Variants in MICAL3 observed in about 807,000 individuals in gnomAD.
MICAL3 encodes microtubule associated monooxygenase, calponin and LIM domain containing 3.
Under a neutral mutation model 207.4 loss-of-function variants are expected in MICAL3, and 62 were observed. The observed-to-expected ratio is 0.30, with a 90% CI of 0.24 to 0.37. The LOEUF (loss-of-function observed/expected upper bound fraction) is 0.37, where lower values mean the gene tolerates loss of function less well. MICAL3 is among the 10% of genes least tolerant of loss of function. MICAL3 has a pLI of 1.00. For synonymous variants in MICAL3, 1,077 were observed against 1,069.3 expected (o/e 1.01, Z -0.14); for missense variants, 2,368 against 2,635.6 (o/e 0.90, Z 2.22).
intron 1 of MICAL3, among the ~76,000 whole-genome samples, chr22:17,963,956 G>A (rs1278258166): frequency 6.6e-6 from 1 of 152,150 alleles, no homozygotes; most frequent in Admixed American, 6.5e-5. Flanking sequence ...AGTACAATCT[G>A]AGACCCTCGC....
chr22:17,871,875 G>A lies in MICAL3; in HGVS notation c.2390C>T (p.Thr797Ile), dbSNP rs765076191. Residue 797 changes from threonine (T) to isoleucine (I), a missense_variant, in exon 17 of 32, where the codon ACC (threonine) becomes ATC (isoleucine). Physicochemically the swap from Thr to Ile is moderately conservative, Grantham distance 89. Coordinates refer to ENST00000441493, the MANE Select transcript of MICAL3 (RefSeq NM_015241.3). ...GTAGGCGTAGGCCGAGAGGCGCAGG[G>A]TGGTGGCGCAGTACTCGCACTTGAA... ...SCFKCEYCAT[T>I]LRLSAYAYDI... 4 of 1,611,254 alleles carry A rather than the reference G, an allele frequency of 2.5e-6. No individual in the cohort carries two copies. Among genetic ancestry groups the A allele is most frequent in the Non-Finnish European group, 3.4e-6 (4 of 1,178,910 alleles).
chr22:17,948,579 A>C (rs1934183431), intron 1 of MICAL3, among the ~76,000 whole-genome samples: 1 of 152,206 alleles, frequency 6.6e-6, no homozygotes, highest in Admixed American at 6.5e-5. Flanking sequence ...ATACAGGGGA[A>C]GACAGAATAT....
At chr22:17,822,194 T>C (rs760845517) in intron 23 of MICAL3, 24 bp from the exon 24 acceptor site, 3 of 1,610,420 alleles carry the variant, frequency 1.9e-6, no homozygotes, top group Non-Finnish European at 2.5e-6. Flanking sequence ...GGGGCAGAAG[T>C]GGGTGCACAC....
chr22:17,819,809 G>C (rs1921348627), intron 25 of MICAL3, among the ~76,000 whole-genome samples: 1 of 151,938 alleles, frequency 6.6e-6, no homozygotes, highest in African/African-American at 2.4e-5. Flanking sequence ...CAGGTGTGGT[G>C]GTGGGTGCCT....
At chr22:17,939,675 A>C (rs1480486598) in intron 1 of MICAL3, among the ~76,000 whole-genome samples, 2 of 152,190 alleles carry the variant, frequency 1.3e-5, no homozygotes, top group Non-Finnish European at 2.9e-5. Flanking sequence ...GAGCTAGACA[A>C]ACACTTTTTT....
intron 1 of MICAL3, among the ~76,000 whole-genome samples, chr22:18,022,821 A>G (rs574425705): frequency 6.6e-6 from 1 of 152,324 alleles, no homozygotes; most frequent in South Asian, 2.1e-4. Context: ...ATAGGCAGCC[A>G]TGAAGTCCAC....
chr22:17,958,639 A>G (rs1239213074), intron 1 of MICAL3, among the ~76,000 whole-genome samples: 1 of 152,164 alleles, frequency 6.6e-6, no homozygotes, highest in Non-Finnish European at 1.5e-5. Context: ...ACTGACCACA[A>G]GAAGTGGGCT....
At chr22:17,901,820 T>C (rs1931344406) in intron 5 of MICAL3, 58 bp downstream of exon 5, 1 of 1,342,382 alleles carries the variant, frequency 7.4e-7, no homozygotes. Context: ...GCCCCAGAGG[T>C]AGGATAGCAT....
intron 1 of MICAL3, among the ~76,000 whole-genome samples, chr22:17,937,480 A>G (rs1264326696): frequency 1.3e-5 from 2 of 152,080 alleles, no homozygotes; most frequent in African/African-American, 4.8e-5. Flanking sequence ...CCTGACCAAC[A>G]TGGAGAAACG....
intron 20 of MICAL3, among the ~76,000 whole-genome samples, chr22:17,833,636 C>T (rs1923050176): frequency 6.6e-6 from 1 of 152,224 alleles, no homozygotes; most frequent in African/African-American, 2.4e-5. Context: ...GGTGCCCTGC[C>T]TATGGGGCTG....
chr22:17,892,148 G>A (rs1333118339), intron 11 of MICAL3, among the ~76,000 whole-genome samples: 1 of 152,202 alleles, frequency 6.6e-6, no homozygotes, highest in Non-Finnish European at 1.5e-5. Context: ...CTTGCCAAGA[G>A]AAGAAGCCCT....
chr22:17,930,335 T>A (rs960331336), intron 1 of MICAL3, among the ~76,000 whole-genome samples: 1 of 152,250 alleles, frequency 6.6e-6, no homozygotes, highest in Non-Finnish European at 1.5e-5. Flanking sequence ...ATGTCTTATG[T>A]TAGCCAAAAG....
chr22:17,858,509 C>T, intron 19 of MICAL3: 1 of 984,148 alleles, frequency 1.0e-6, no homozygotes, highest in Non-Finnish European at 1.2e-6. Context: ...TTCAGAGCTC[C>T]ACATGGGTGT....
At chr22:17,877,324 G>GGGAGGTTAT (rs1569110220) in intron 16 of MICAL3, among the ~76,000 whole-genome samples, 1 of 21,330 alleles carries the variant, frequency 4.7e-5, no homozygotes, top group Non-Finnish European at 8.9e-5. Flanking sequence ...AGGGAGGTTA[G>GGGAGGTTAT]GGAGGTTATG....
Position 17,879,281 on chromosome 22 carries a change from C to T in MICAL3, c.2241+6597G>A, listed in dbSNP as rs1929194150. On this transcript the variant is annotated intron_variant, in intron 16 of 31. Transcript: ENST00000441493. ...CCCCATATCCCTTCCCGCTGCCCCACCACCACAGCGTGCCCCGTGTGCTTG... is the reference window on the plus strand; with the variant it reads ...CCCCATATCCCTTCCCGCTGCCCCATCACCACAGCGTGCCCCGTGTGCTTG... The T allele has an allele frequency of 3.5e-6, 5 of 1,427,348 alleles. No homozygotes were observed. In the South Asian group the frequency reaches 6.7e-5, roughly 19 times the overall value. 88.4% of individuals were successfully genotyped at this position (1,427,348 alleles called of 1,614,324 possible).
chr22:17,823,361 TGGA>T (rs1271175963), intron 22 of MICAL3, among the ~76,000 whole-genome samples: 1 of 152,154 alleles, frequency 6.6e-6, no homozygotes, highest in Non-Finnish European at 1.5e-5. Context: ...GAACCTCAGT[TGGA>T]GGAGGGTGGA....
At chr22:17,837,488 GC>G (rs1201783366) in intron 20 of MICAL3, among the ~76,000 whole-genome samples, 1 of 152,252 alleles carries the variant, frequency 6.6e-6, no homozygotes, top group Non-Finnish European at 1.5e-5. Flanking sequence ...CACTGCACCA[GC>G]TGCCTTTGCT....
Position 17,788,707 on chromosome 22 carries a change from A to C in MICAL3, c.*2025T>G, listed in dbSNP as rs2061804284. 1 of 152,298 alleles carries C rather than the reference A, an allele frequency of 6.6e-6. No individual in the cohort carries two copies. Among genetic ancestry groups the C allele is most frequent in the Admixed American group, 6.5e-5 (1 of 15,288 alleles). 9.4% of individuals were successfully genotyped at this position (152,298 alleles called of 1,614,324 possible). ...GTGGAGAATCAGCGCTGTGGCGGCC[A>C]CTAGCGGCGTTATCTCCCGGATGTG... On this transcript the variant is annotated 3_prime_UTR_variant, in exon 32 of 32. Coordinates refer to ENST00000441493, the MANE Select transcript of MICAL3 (RefSeq NM_015241.3).
intron 1 of MICAL3, among the ~76,000 whole-genome samples, chr22:17,909,969 G>C (rs1932003636): frequency 6.6e-6 from 1 of 152,174 alleles, no homozygotes; most frequent in African/African-American, 2.4e-5. Context: ...TGTGTGCCCT[G>C]CCTGCATTCA....
Sources: allele counts gnomAD v4.1 joint callset (sites outside exome capture counted in the v4.1 genomes callset), GRCh38; gene constraint gnomAD v4.1.1; transcripts MANE v1.5; gene names NCBI Gene and HGNC (gene_info 2026-07-23, HGNC 2026-07-21).